Variants in DPP6 observed in about 807,000 individuals in gnomAD.
The protein encoded by DPP6 is dipeptidyl peptidase like 6, also known as A-type potassium channel modulatory protein DPP6.
A neutral mutation model predicts 122.6 loss-of-function variants in DPP6; 69 were observed. The observed-to-expected ratio is 0.56, with a 90% CI of 0.46 to 0.69. The LOEUF (loss-of-function observed/expected upper bound fraction) is 0.69. DPP6 is among the 30% of genes least tolerant of loss of function. The pLI is 0.00. For synonymous variants in DPP6, 418 were observed against 433.1 expected, an observed-to-expected ratio of 0.97 and a Z score of 0.43; for missense variants, 928 against 1,116.9, an observed-to-expected ratio of 0.83 and a Z score of 2.41.
At chr7:154,522,960 C>A (rs879934289) in intron 3 of DPP6, among the ~76,000 whole-genome samples, 5 of 152,180 alleles carry the variant, frequency 3.3e-5, no homozygotes, top group Non-Finnish European at 7.3e-5. Context: ...AACGTTCCCC[C>A]AAAACCCACC....
intron 7 of DPP6, among the ~76,000 whole-genome samples, chr7:154,683,417 C>G (rs534384341): frequency 1.3e-5 from 2 of 152,286 alleles, no homozygotes; most frequent in African/African-American, 4.8e-5. Flanking sequence ...TCCCCTTCCT[C>G]CCCCACCGGC....
chr7:153,769,625 A>G, the DPP6 span, among the ~76,000 whole-genome samples: 5 of 152,208 alleles, frequency 3.3e-5, no homozygotes, highest in Non-Finnish European at 5.9e-5. Context: ...TCAACTGACA[A>G]GCATTAACTT....
chr7:154,237,865 G>A (rs1801319555), intron 1 of DPP6, among the ~76,000 whole-genome samples: 1 of 152,190 alleles, frequency 6.6e-6, no homozygotes, highest in South Asian at 2.1e-4. Flanking sequence ...CCCTGCTGAG[G>A]GGAGCCCTGG....
At chr7:154,769,206 G>A (rs982182910) in intron 8 of DPP6, among the ~76,000 whole-genome samples, 2 of 152,138 alleles carry the variant, frequency 1.3e-5, no homozygotes, top group African/African-American at 2.4e-5. Context: ...GTTTTCCTGT[G>A]CTGGACTTAG....
At chr7:154,126,500 C>T (rs1807896616) in intron 1 of DPP6, among the ~76,000 whole-genome samples, 1 of 151,506 alleles carries the variant, frequency 6.6e-6, no homozygotes, top group African/African-American at 2.4e-5. Context: ...CCTTACACAA[C>T]AAGGAGAGAC....
chr7:154,000,724 T>C (rs1047245759), intron 1 of DPP6, among the ~76,000 whole-genome samples: 4 of 152,080 alleles, frequency 2.6e-5, no homozygotes, highest in South Asian at 2.1e-4. Context: ...TGGATACTTA[T>C]GGGTGCCAGC....
intron 1 of DPP6, among the ~76,000 whole-genome samples, chr7:154,150,914 C>T (rs1317236571): frequency 6.6e-6 from 1 of 152,202 alleles, no homozygotes; most frequent in Non-Finnish European, 1.5e-5. Flanking sequence ...TCTTAAAGGC[C>T]AGGAGAGAGG....
chr7:154,519,821 C>T (rs1477002096), intron 3 of DPP6, among the ~76,000 whole-genome samples: 3 of 152,150 alleles, frequency 2.0e-5, no homozygotes, highest in African/African-American at 7.2e-5. Flanking sequence ...TAAATAAAAT[C>T]ATAGGTGAAT....
intron 1 of DPP6, among the ~76,000 whole-genome samples, chr7:153,909,334 C>T (rs928205023): frequency 6.6e-6 from 1 of 152,112 alleles, no homozygotes; most frequent in Admixed American, 6.6e-5. Context: ...TGTTGTAGAG[C>T]AGAGCCACGC....
chr7:154,865,688 G>T (rs1205534987), intron 17 of DPP6, among the ~76,000 whole-genome samples: 1 of 152,080 alleles, frequency 6.6e-6, no homozygotes, highest in African/African-American at 2.4e-5. Context: ...TTGATAGTCT[G>T]GCCTCAGTTT....
intron 1 of DPP6, among the ~76,000 whole-genome samples, chr7:154,289,012 C>T (rs1017030455): frequency 1.3e-5 from 2 of 152,102 alleles, no homozygotes; most frequent in South Asian, 4.1e-4. Flanking sequence ...TACAATGTGC[C>T]CAGAGTGCAG....
chr7:154,185,491 G>C (rs982958885), intron 1 of DPP6, among the ~76,000 whole-genome samples: 1 of 152,130 alleles, frequency 6.6e-6, no homozygotes, highest in East Asian at 1.9e-4. Context: ...TCCTGAAGCC[G>C]ATGTTCAGTG....
intron 6 of DPP6, among the ~76,000 whole-genome samples, chr7:154,667,363 A>T (rs12673003): frequency 0.66 from 100,359 of 152,064 alleles, 35,536 homozygotes; most frequent in Non-Finnish European, 0.8. Flanking sequence ...TTGAGTCATC[A>T]AAGCTTTTCT....
chr7:154,596,611 A>G (rs7384037), intron 5 of DPP6, among the ~76,000 whole-genome samples: 91,647 of 152,034 alleles, frequency 0.6, 28,090 homozygotes, highest in African/African-American at 0.7. Context: ...AGGAGGCCTC[A>G]GAGTACTTTG....
chr7:154,779,074 C>CACA, intron 10 of DPP6, among the ~76,000 whole-genome samples: 1 of 151,524 alleles, frequency 6.6e-6, no homozygotes, highest in Non-Finnish European at 1.5e-5. Context: ...CCATCACCTC[C>CACA]ATCACCTCCA....
At chr7:154,129,909 AAAAG>A (rs1334728892) in intron 1 of DPP6, among the ~76,000 whole-genome samples, 1 of 150,674 alleles carries the variant, frequency 6.6e-6, no homozygotes, top group African/African-American at 2.4e-5. Flanking sequence ...CAAAAAAAAA[AAAAG>A]AAAAAGAAAA....
chr7:154,455,567 A>G (rs1023308967), intron 2 of DPP6, among the ~76,000 whole-genome samples: 1 of 152,190 alleles, frequency 6.6e-6, no homozygotes, highest in African/African-American at 2.4e-5. Flanking sequence ...TACTAACCCT[A>G]TAGTGAGTTG....
intron 3 of DPP6, among the ~76,000 whole-genome samples, chr7:154,482,140 A>G (rs1823361307): frequency 6.6e-6 from 1 of 152,224 alleles, no homozygotes; most frequent in Admixed American, 6.5e-5. Context: ...TCTCTGGGGG[A>G]AAGCCTTCCA....
intron 1 of DPP6, among the ~76,000 whole-genome samples, chr7:154,035,807 G>A (rs1163079605): frequency 6.6e-6 from 1 of 152,196 alleles, no homozygotes; most frequent in Non-Finnish European, 1.5e-5. Context: ...AATGCTGTTT[G>A]CCCTTTTTAC....
Sources: allele counts gnomAD v4.1 joint callset (sites outside exome capture counted in the v4.1 genomes callset), GRCh38; gene constraint gnomAD v4.1.1; transcripts MANE v1.5; gene names NCBI Gene and HGNC (gene_info 2026-07-23, HGNC 2026-07-21).